CATSPER1: variants seen among roughly 807,000 people sequenced by gnomAD.
CATSPER1 encodes cation channel sperm associated 1.
Under a neutral mutation model 72.7 loss-of-function variants are expected in CATSPER1, and 57 were observed. The ratio of observed to expected loss-of-function variants is 0.78; its 90% CI spans 0.63 to 0.98. The LOEUF (loss-of-function observed/expected upper bound fraction) is 0.98. Ranked by LOEUF, CATSPER1 falls within the 50% of genes least tolerant of loss-of-function variation. CATSPER1 has a pLI of 0.00. For missense variants in CATSPER1, 910 were observed against 1,033.9 expected, an observed-to-expected ratio of 0.88 and a Z score of 1.64; for synonymous variants, 363 against 403.0, an observed-to-expected ratio of 0.90 and a Z score of 1.19.
At position 66,023,001 on chromosome 11, in the gene CATSPER1, C is replaced by T. The variant is rs1220780801; in HGVS notation, c.1277G>A (p.Trp426Ter). ...CTGAATGAGGAAGGTTAGCTTTTCC[C>T]ACAGCCACTGGAAGAGATTGGTAGA... ...GHSTNLFQWL[W>*]EKLTFLIQGF... Residue 426 changes from tryptophan (W) to a stop codon, truncating the protein, a stop_gained, in exon 2 of 12, where the codon TGG becomes TAG. Transcript: ENST00000312106. LOFTEE classifies it high-confidence loss of function. 1 of 1,614,224 alleles carries T rather than the reference C, an allele frequency of 6.2e-7. No homozygotes were observed. The highest frequency in any genetic ancestry group is 1.7e-5 in the Admixed American group (1 of 60,024).
intron 9 of CATSPER1, among the ~76,000 whole-genome samples, chr11:66,019,297 G>A (rs1856305617): frequency 6.7e-6 from 1 of 148,366 alleles, no homozygotes; most frequent in Admixed American, 6.7e-5. Context: ...TTTTTTTTGA[G>A]ACGGAATCTC....
chr11:66,018,393 G>A (rs1311227312), intron 10 of CATSPER1, among the ~76,000 whole-genome samples: 5 of 151,938 alleles, frequency 3.3e-5, no homozygotes, highest in Admixed American at 2.6e-4. Flanking sequence ...GTTGAGCATC[G>A]GACCTCCAGG....
intron 1 of CATSPER1, 102 bp downstream of exon 1, chr11:66,025,062 T>A: frequency 2.8e-6 from 4 of 1,432,252 alleles, no homozygotes; most frequent in Non-Finnish European, 3.9e-6. Flanking sequence ...TGCAGGAGGG[T>A]CGGGCCTTAC....
At position 66,017,194 on chromosome 11, in the gene CATSPER1, T is replaced by TGGGGGGGGGGGGGGGGGGGGGGGGCCCA; in HGVS notation, c.2202-21_2202-20insTGGGCCCCCCCCCCCCCCCCCCCCCCCC. ...TGCTGCCTGCGGGTGGGCGGGGGGG[T>TGGGGGGGGGGGGGGGGGGGGGGGGCCCA]CGCAGAGACAGGGGCTGGGCTGACC... On this transcript the variant is annotated intron_variant, in intron 10 of 11. Transcript: ENST00000312106. The TGGGGGGGGGGGGGGGGGGGGGGGGCCCA allele has an allele frequency of 1.8e-6, 1 of 550,278 alleles. No homozygotes were observed. The highest frequency in any genetic ancestry group is 3.4e-6 in the Non-Finnish European group (1 of 295,852). The allele number at this position is 550,278 out of a possible 1,614,324, so 34.1% of individuals were successfully genotyped here.
chr11:66,021,529 G>GC lies in CATSPER1; in HGVS notation c.1657dup (p.Ala553GlyfsTer57). ...CCGCAGGACCCGGATTGCCCTCAGGGCCCGCAGGCTCTTGAAGACCTTGAG... is the reference window on the plus strand; with the variant it reads ...CCGCAGGACCCGGATTGCCCTCAGGGCCCCGCAGGCTCTTGAAGACCTTGAG... On this transcript the variant is annotated frameshift_variant, in exon 4 of 12. Transcript: ENST00000312106. LOFTEE classifies it high-confidence loss of function. The GC allele has an allele frequency of 6.2e-7, 1 of 1,613,862 alleles. No homozygotes were observed. The highest frequency in any genetic ancestry group is 8.5e-7 in the Non-Finnish European group (1 of 1,180,004).
intron 1 of CATSPER1, among the ~76,000 whole-genome samples, chr11:66,024,282 T>TC (rs1199920826): frequency 7.6e-6 from 1 of 131,122 alleles, no homozygotes; most frequent in African/African-American, 3.5e-5. Context: ...TTTTTTTTTT[T>TC]TTTTTTTTTT....
rs1304227227 is a variant in CATSPER1, at chr11:66,026,308, G to A, written c.72C>T (p.Arg24=). 6.2e-7 allele frequency: 1 copy of A among 1,612,158 alleles called. No individual in the cohort carries two copies. The highest frequency in any genetic ancestry group is 1.1e-5 in the South Asian group (1 of 91,050). The change falls in exon 1 of 12, where the codon CGC becomes CGT. Residue 24 remains arginine (R), a synonymous_variant. Transcript: ENST00000312106. ...ADTNNADRFF[R]SHSSPPHHRP... Reference sequence around the variant, plus strand: ...TGTGGTGTGGGGGTGATGAGTGAGAGCGAAAGAACCTATCTGCGTTATTGG... The same window carrying A: ...TGTGGTGTGGGGGTGATGAGTGAGAACGAAAGAACCTATCTGCGTTATTGG...
chr11:66,021,553 A>G lies in CATSPER1; in HGVS notation c.1634T>C (p.Leu545Pro). Residue 545 changes from leucine to proline, a missense_variant, in exon 4 of 12, where the codon CTC (leucine) becomes CCC (proline). Coordinates refer to ENST00000312106, the MANE Select transcript of CATSPER1 (RefSeq NM_053054.4). ...AIYHQSLFRI[L>P]KVFKSLRALR... ...GGCCCGCAGGCTCTTGAAGACCTTG[A>G]GGATCCGGAAGAGGCTTTGGTGGTA... is the stretch of plus-strand genomic sequence containing the variant. The G allele has an allele frequency of 6.2e-7, 1 of 1,613,696 alleles. No homozygotes were observed. The highest frequency in any genetic ancestry group is 8.5e-7 in the Non-Finnish European group (1 of 1,179,818).
At position 66,017,193 on chromosome 11, in the gene CATSPER1, G is replaced by GGGGGGGGGGGCGCC; in HGVS notation, c.2202-20_2202-19insGGCGCCCCCCCCCC. ...CTGCTGCCTGCGGGTGGGCGGGGGG[G>GGGGGGGGGGGCGCC]TCGCAGAGACAGGGGCTGGGCTGAC... On this transcript the variant is annotated intron_variant, in intron 10 of 11. Coordinates refer to ENST00000312106, the MANE Select transcript of CATSPER1 (RefSeq NM_053054.4). 2.0e-6 allele frequency: 1 copy of GGGGGGGGGGGCGCC among 493,814 alleles called. No homozygotes were observed. The highest frequency in any genetic ancestry group is 5.5e-5 in the East Asian group (1 of 18,090). The allele number at this position is 493,814 out of a possible 1,614,324, so 30.6% of individuals were successfully genotyped here.
rs1441769856 is a variant in CATSPER1, at chr11:66,020,240, C to G, written c.2065-40G>C. On this transcript the variant is annotated intron_variant, in intron 8 of 11. Coordinates refer to ENST00000312106, the MANE Select transcript of CATSPER1 (RefSeq NM_053054.4). This position sits in a 1 kb window ranked among gnomAD's most constrained non-coding sequence, Gnocchi z 4.5. ...CCTCAGATCTGCCAGAGTCCCAGGC[C>G]TGCTCAACCCTGGAGGCCCCTGGCC... The G allele has an allele frequency of 6.2e-7, 1 of 1,613,910 alleles. No homozygotes were observed. The highest frequency in any genetic ancestry group is 8.5e-7 in the Non-Finnish European group (1 of 1,179,914).
Position 66,017,193 on chromosome 11 carries a change from G to GGGGGGGCC in CATSPER1, c.2202-20_2202-19insGGCCCCCC. 14 of 493,760 alleles carry GGGGGGGCC rather than the reference G, an allele frequency of 2.8e-5. No homozygotes were observed. Among genetic ancestry groups the GGGGGGGCC allele is most frequent in the Non-Finnish European group, 4.4e-5 (11 of 252,582 alleles). The allele number at this position is 493,760 out of a possible 1,614,324, so 30.6% of individuals were successfully genotyped here. On this transcript the variant is annotated intron_variant, in intron 10 of 11. Coordinates refer to ENST00000312106, the MANE Select transcript of CATSPER1 (RefSeq NM_053054.4). Reference sequence around the variant, plus strand: ...CTGCTGCCTGCGGGTGGGCGGGGGGGTCGCAGAGACAGGGGCTGGGCTGAC... The same window carrying GGGGGGGCC: ...CTGCTGCCTGCGGGTGGGCGGGGGGGGGGGGGCCTCGCAGAGACAGGGGCTGGGCTGAC...
At position 66,022,948 on chromosome 11, in the gene CATSPER1, T is replaced by G; in HGVS notation, c.1330A>C (p.Thr444Pro). 1 of 1,614,178 alleles carries G rather than the reference T, an allele frequency of 6.2e-7. No homozygotes were observed. The highest frequency in any genetic ancestry group is 8.5e-7 in the Non-Finnish European group (1 of 1,180,034). ...QGFREMIRNL[T>P]QSLAFETFIF... ...AAAGTTTCAAAGGCCAAGGATTGGGTCAGGTTCCGGATCATTTCCCGGAAG... is the reference window on the plus strand; with the variant it reads ...AAAGTTTCAAAGGCCAAGGATTGGGGCAGGTTCCGGATCATTTCCCGGAAG... Residue 444 changes from threonine (T) to proline (P), a missense_variant, in exon 2 of 12, where the codon ACC becomes CCC. Transcript: ENST00000312106.
chr11:66,020,577 AG>A lies in CATSPER1; in HGVS notation c.1977del (p.Phe660SerfsTer7). On this transcript the variant is annotated frameshift_variant, in exon 7 of 12. Transcript: ENST00000312106. LOFTEE classifies it high-confidence loss of function. The surrounding 1 kb of genome is among the most constrained non-coding windows in gnomAD (Gnocchi z 4.5). ...GTGAGTCCTCACTTGAGGAAGATGA[AG>A]TACTGGATGATGATGTAAATTACGA... ...PILVIYIIIQ[Y>X]FIFLNLVITV... 1 of 1,612,134 alleles carries A rather than the reference AG, an allele frequency of 6.2e-7. No individual in the cohort carries two copies. Among genetic ancestry groups the A allele is most frequent in the Non-Finnish European group, 8.5e-7 (1 of 1,179,208 alleles).
Position 66,026,009 on chromosome 11 carries a change from C to T in CATSPER1, c.371G>A (p.Arg124Lys). The change falls in exon 1 of 12, where the codon AGG (arginine) becomes AAG (lysine). Residue 124 changes from arginine (R) to lysine (K), a missense_variant. Arg to Lys is a conservative substitution (Grantham distance 26, BLOSUM62 2). Coordinates refer to ENST00000312106, the MANE Select transcript of CATSPER1 (RefSeq NM_053054.4). ...GTATTGGGACCCATCATGATGCCTC[C>T]TGCCATCACGTTGGAGCTCATCATG... ...DYHDELQRDG[R>K]RHHDGSQYGG... 1 of 1,614,064 alleles carries T rather than the reference C, an allele frequency of 6.2e-7. No homozygotes were observed. The highest frequency in any genetic ancestry group is 8.5e-7 in the Non-Finnish European group (1 of 1,179,980).
chr11:66,026,072 C>T lies in CATSPER1; in HGVS notation c.308G>A (p.Gly103Asp), dbSNP rs775504415. 8.1e-6 allele frequency: 13 copies of T among 1,613,784 alleles called. No individual in the cohort carries two copies. The highest frequency in any genetic ancestry group is 1.1e-5 in the Non-Finnish European group (13 of 1,179,826). ...PTGFGLAPSQ[G>D]AVPSHRSYGE... ...GTAGGAACGGTGGGAGGGGACGGCG[C>T]CTTGAGAGGGAGCCAGACCAAAGCC... Residue 103 changes from glycine (G) to aspartate (D), a missense_variant, in exon 1 of 12, where the codon GGC (glycine) becomes GAC (aspartate). Gly to Asp is a moderately conservative substitution (Grantham distance 94). Coordinates refer to ENST00000312106, the MANE Select transcript of CATSPER1 (RefSeq NM_053054.4).
chr11:66,024,013 G>T (rs1856436094), intron 1 of CATSPER1, among the ~76,000 whole-genome samples: 1 of 151,622 alleles, frequency 6.6e-6, no homozygotes, highest in Admixed American at 6.6e-5. Flanking sequence ...GCCCAGGCTG[G>T]AGTGCAGTAT....
chr11:66,023,176 G>A (rs2134995204), intron 1 of CATSPER1, 115 bp from the exon 2 acceptor site: 1 of 1,034,022 alleles, frequency 9.7e-7, no homozygotes, highest in East Asian at 2.5e-5. Context: ...CTGGCCCTCT[G>A]CCTCCCGGGT....
At position 66,021,591 on chromosome 11, in the gene CATSPER1, GT is replaced by G. The variant is rs778890873; in HGVS notation, c.1595del (p.His532ProfsTer23). The G allele has an allele frequency of 6.2e-7, 1 of 1,612,350 alleles. No homozygotes were observed. The highest frequency in any genetic ancestry group is 1.3e-5 in the African/African-American group (1 of 74,904). ...AVLDFLLMQT[H>X]SFAIYHQSLF... ...GGCTTTGGTGGTAGATGGCGAAGGA[GT>G]GGGTCTGCATCAGCAAGAAGTCCAG... is the stretch of plus-strand genomic sequence containing the variant. On this transcript the variant is annotated frameshift_variant, in exon 4 of 12. Coordinates refer to ENST00000312106, the MANE Select transcript of CATSPER1 (RefSeq NM_053054.4). LOFTEE classifies it high-confidence loss of function.
At chr11:66,024,921 G>T (rs1358248503) in intron 1 of CATSPER1, among the ~76,000 whole-genome samples, 1 of 152,174 alleles carries the variant, frequency 6.6e-6, no homozygotes, top group Non-Finnish European at 1.5e-5. Context: ...ATGTTTGACT[G>T]GTAGACATAT....
Sources: allele counts gnomAD v4.1 joint callset (sites outside exome capture counted in the v4.1 genomes callset), GRCh38; gene constraint gnomAD v4.1.1; non-coding constraint Gnocchi (gnomAD v3.1); transcripts MANE v1.5; gene names NCBI Gene and HGNC (gene_info 2026-07-23, HGNC 2026-07-21).